MAGI1: variants seen among roughly 807,000 people sequenced by gnomAD.
MAGI1 encodes membrane associated guanylate kinase, WW and PDZ domain containing 1, also known as membrane-associated guanylate kinase, WW and PDZ domain-containing protein 1.
Under a neutral mutation model 139.9 loss-of-function variants are expected in MAGI1, and 58 were observed. The observed-to-expected ratio is 0.41, with a 90% CI of 0.34 to 0.52. The LOEUF (loss-of-function observed/expected upper bound fraction) is 0.52, where lower values mean the gene tolerates loss of function less well. MAGI1 is among the 20% of genes least tolerant of loss of function. The pLI, the probability that MAGI1 is intolerant of heterozygous loss-of-function variation, is 0.12. For synonymous variants in MAGI1, 812 were observed against 737.9 expected, an observed-to-expected ratio of 1.10 and a Z score of -1.63; for missense variants, 1,874 against 1,901.6, an observed-to-expected ratio of 0.99 and a Z score of 0.27.
intron 2 of MAGI1, among the ~76,000 whole-genome samples, chr3:65,559,939 G>C (rs898169398): frequency 6.6e-6 from 1 of 152,116 alleles, no homozygotes; most frequent in Non-Finnish European, 1.5e-5. Context: ...GAGAGGCTGA[G>C]GTGGGAGGAT....
chr3:65,754,152 T>C (rs999169120), intron 1 of MAGI1, among the ~76,000 whole-genome samples: 1 of 152,166 alleles, frequency 6.6e-6, no homozygotes, highest in Non-Finnish European at 1.5e-5. Flanking sequence ...AGTGACTTTT[T>C]ACCAATGATT....
At chr3:65,369,473 G>T (rs186137822) in intron 18 of MAGI1, among the ~76,000 whole-genome samples, 420 of 151,918 alleles carry the variant, frequency 2.8e-3, no homozygotes, top group African/African-American at 9.6e-3. Context: ...CAAAGGGCCT[G>T]CTGGGGTTTC....
At chr3:65,596,715 A>G (rs1482245423) in intron 2 of MAGI1, among the ~76,000 whole-genome samples, 2 of 152,154 alleles carry the variant, frequency 1.3e-5, no homozygotes, top group African/African-American at 4.8e-5. Flanking sequence ...GCCTTCCTGA[A>G]TCTTCAAAAA....
intron 22 of MAGI1, 105 bp downstream of exon 22, chr3:65,361,094 A>C: frequency 5.0e-6 from 8 of 1,605,650 alleles, no homozygotes; most frequent in Non-Finnish European, 6.8e-6. Context: ...CTGGTAAGAC[A>C]CTGGTGAATA....
At chr3:65,516,773 G>T (rs1174892251) in intron 2 of MAGI1, among the ~76,000 whole-genome samples, 2 of 126,646 alleles carry the variant, frequency 1.6e-5, no homozygotes, top group African/African-American at 5.7e-5. Context: ...TGTGGCCCAG[G>T]CTGGAGTGCA....
chr3:65,374,269 TCTC>T (rs1359886019), intron 18 of MAGI1, among the ~76,000 whole-genome samples: 1 of 151,684 alleles, frequency 6.6e-6, no homozygotes, highest in African/African-American at 2.4e-5. Flanking sequence ...AGGAACTAAT[TCTC>T]TAAAGGATCT....
At chr3:66,006,811 G>GTTTTA (rs562241401) in intron 1 of MAGI1, among the ~76,000 whole-genome samples, 1 of 140,100 alleles carries the variant, frequency 7.1e-6, no homozygotes, top group South Asian at 2.1e-4. Context: ...ACATGGTTTT[G>GTTTTA]TTTTGTTTTG....
chr3:65,515,845 AC>A (rs983747404), intron 2 of MAGI1, among the ~76,000 whole-genome samples: 159 of 152,306 alleles, frequency 1.0e-3, no homozygotes, highest in African/African-American at 3.6e-3. Context: ...TACAACCACA[AC>A]AGCAAGCCTG....
intron 1 of MAGI1, among the ~76,000 whole-genome samples, chr3:65,818,993 C>G (rs2041779064): frequency 6.6e-6 from 1 of 152,056 alleles, no homozygotes; most frequent in South Asian, 2.1e-4. Context: ...GCTTTATTAA[C>G]AAGGCATATG....
At chr3:65,814,454 G>C (rs997976427) in intron 1 of MAGI1, among the ~76,000 whole-genome samples, 1 of 152,106 alleles carries the variant, frequency 6.6e-6, no homozygotes, top group African/African-American at 2.4e-5. Context: ...ATCATCATCA[G>C]CTCAGACCTC....
intron 1 of MAGI1, among the ~76,000 whole-genome samples, chr3:65,669,541 C>A (rs1409412799): frequency 6.6e-6 from 1 of 152,186 alleles, no homozygotes; most frequent in Admixed American, 6.5e-5. Context: ...TTGTCAAGAC[C>A]TTTGCTCTCG....
chr3:65,355,080 T>C lies in MAGI1; in HGVS notation c.*1298A>G, dbSNP rs1940142753. On this transcript the variant is annotated 3_prime_UTR_variant, in exon 23 of 23. Coordinates refer to ENST00000402939, the MANE Select transcript of MAGI1 (RefSeq NM_001033057.2). ...TTGGCTCAGCTAGGCAGTAATCCACTTAAACCACATCCCGGGGCTACGGCC... is the reference window on the plus strand; with the variant it reads ...TTGGCTCAGCTAGGCAGTAATCCACCTAAACCACATCCCGGGGCTACGGCC... 6.6e-6 allele frequency: 1 copy of C among 152,632 alleles called. No homozygotes were observed. The highest frequency in any genetic ancestry group is 6.5e-5 in the Admixed American group (1 of 15,276). 9.5% of individuals were successfully genotyped at this position (152,632 alleles called of 1,614,324 possible). A position where few individuals can be genotyped will look rare whatever the true frequency, so the allele number is the denominator to read the frequency against.
At chr3:65,425,108 T>TAA (rs72030632) in intron 12 of MAGI1, among the ~76,000 whole-genome samples, 28 of 66,542 alleles carry the variant, frequency 4.2e-4, no homozygotes, top group African/African-American at 8.5e-4. Flanking sequence ...GTAGAACTTC[T>TAA]AAAAAAAAAA....
chr3:65,396,699 GC>G (rs1944417306), intron 13 of MAGI1, among the ~76,000 whole-genome samples: 1 of 152,198 alleles, frequency 6.6e-6, no homozygotes, highest in Non-Finnish European at 1.5e-5. Flanking sequence ...TCACTTATCT[GC>G]CAAGAGCGAA....
intron 1 of MAGI1, among the ~76,000 whole-genome samples, chr3:65,764,820 C>A (rs536955648): frequency 6.6e-6 from 1 of 152,292 alleles, no homozygotes; most frequent in African/African-American, 2.4e-5. Flanking sequence ...CGTAAACACA[C>A]AGATTCAGTA....
chr3:65,680,941 T>C (rs1576705238), intron 1 of MAGI1, among the ~76,000 whole-genome samples: 1 of 152,304 alleles, frequency 6.6e-6, no homozygotes, highest in African/African-American at 2.4e-5. Flanking sequence ...GTATTTTAGT[T>C]TCGGAGTTGG....
intron 1 of MAGI1, among the ~76,000 whole-genome samples, chr3:66,002,547 C>G (rs1334288196): frequency 2.0e-5 from 3 of 152,060 alleles, no homozygotes; most frequent in African/African-American, 7.2e-5. Flanking sequence ...GACAGACTCT[C>G]ACTCTCTTCC....
chr3:65,448,081 T>G (rs1394191800), intron 6 of MAGI1, 24 bp from the exon 7 acceptor site: 2 of 1,613,378 alleles, frequency 1.2e-6, no homozygotes, highest in African/African-American at 2.7e-5. Flanking sequence ...ATAGCAGGAA[T>G]GAGACAGAAA....
At chr3:65,421,663 ATAATT>A (rs1196772368) in intron 12 of MAGI1, among the ~76,000 whole-genome samples, 1 of 152,228 alleles carries the variant, frequency 6.6e-6, no homozygotes, top group Non-Finnish European at 1.5e-5. Flanking sequence ...CTTTAATGAA[ATAATT>A]TAATTTAAGC....
Sources: allele counts gnomAD v4.1 joint callset (sites outside exome capture counted in the v4.1 genomes callset), GRCh38; gene constraint gnomAD v4.1.1; transcripts MANE v1.5; gene names NCBI Gene and HGNC (gene_info 2026-07-23, HGNC 2026-07-21).